The following SGCG variants were observed in gnomAD, a reference collection of about 807,000 sequenced individuals.
The protein encoded by SGCG is gamma-sarcoglycan.
In SGCG, 26 loss-of-function variants were observed where a neutral mutation model predicts 29.3. The observed-to-expected ratio is 0.89, with a 90% CI of 0.65 to 1.23. SGCG has a LOEUF of 1.23. Among genes scored for constraint, SGCG ranks in the 50% most tolerant of loss-of-function variants. The pLI is 0.00. For missense variants in SGCG, 353 were observed against 356.0 expected, an observed-to-expected ratio of 0.99 and a Z score of 0.07; for synonymous variants, 145 against 129.7, an observed-to-expected ratio of 1.12 and a Z score of -0.80.
At chr13:23,228,013 G>A (rs1013248091) in intron 2 of SGCG, among the ~76,000 whole-genome samples, 1 of 151,968 alleles carries the variant, frequency 6.6e-6, no homozygotes, top group Non-Finnish European at 1.5e-5. Flanking sequence ...ATTTTGCCAT[G>A]TTGCCCAGGC....
chr13:23,196,413 G>A (rs1424492265), intron 1 of SGCG, among the ~76,000 whole-genome samples: 2 of 152,008 alleles, frequency 1.3e-5, no homozygotes, highest in Non-Finnish European at 2.9e-5. Flanking sequence ...TTCATCAGAG[G>A]AGCAGCATGT....
At chr13:23,257,303 C>G (rs1270189794) in intron 4 of SGCG, among the ~76,000 whole-genome samples, 2 of 152,088 alleles carry the variant, frequency 1.3e-5, no homozygotes, top group African/African-American at 4.8e-5. Flanking sequence ...GGTACACATG[C>G]AAAACATGCA....
At chr13:23,280,776 T>C (rs545558914) in intron 5 of SGCG, among the ~76,000 whole-genome samples, 31 of 152,328 alleles carry the variant, frequency 2.0e-4, no homozygotes, top group African/African-American at 6.7e-4. Context: ...GTGGATTAAA[T>C]GTGCAAAGGA....
chr13:23,194,043 A>T (rs1304593781), intron 1 of SGCG, among the ~76,000 whole-genome samples: 1 of 152,230 alleles, frequency 6.6e-6, no homozygotes, highest in African/African-American at 2.4e-5. Flanking sequence ...AGTGAAATAA[A>T]TTTTAAAAAG....
At chr13:23,245,316 G>A (rs1444544373) in intron 3 of SGCG, 1 of 152,114 alleles carries the variant, frequency 6.6e-6, no homozygotes, top group Admixed American at 6.6e-5. Context: ...TGGAAGTGAG[G>A]GTCAAAATGA....
chr13:23,218,504 A>G (rs1878518731), intron 2 of SGCG, among the ~76,000 whole-genome samples: 1 of 152,224 alleles, frequency 6.6e-6, no homozygotes, highest in Non-Finnish European at 1.5e-5. Flanking sequence ...CTGTAACACT[A>G]AAATTATTTA....
the SGCG span, among the ~76,000 whole-genome samples, chr13:23,163,276 C>G: frequency 1.3e-5 from 2 of 152,218 alleles, no homozygotes; most frequent in Admixed American, 6.5e-5. Flanking sequence ...CATTTTGTTA[C>G]ATATGAGGGA....
intron 3 of SGCG, among the ~76,000 whole-genome samples, chr13:23,247,503 C>T (rs1023492378): frequency 5.3e-5 from 8 of 152,050 alleles, no homozygotes; most frequent in South Asian, 4.1e-4. Flanking sequence ...AAGAGTTTCC[C>T]AATCTAAATC....
intron 3 of SGCG, among the ~76,000 whole-genome samples, chr13:23,247,479 T>C (rs1033188997): frequency 6.6e-6 from 1 of 151,864 alleles, no homozygotes; most frequent in Non-Finnish European, 1.5e-5. Context: ...AAGAAGAGAG[T>C]TTGATAGAAT....
At chr13:23,213,540 T>G (rs1369124030) in intron 2 of SGCG, among the ~76,000 whole-genome samples, 3 of 152,190 alleles carry the variant, frequency 2.0e-5, no homozygotes, top group Non-Finnish European at 4.4e-5. Flanking sequence ...TATCTGTCCT[T>G]GATCATTTAC....
chr13:23,223,324 A>G (rs572617744), intron 2 of SGCG, among the ~76,000 whole-genome samples: 1 of 150,634 alleles, frequency 6.6e-6, no homozygotes, highest in South Asian at 2.1e-4. Context: ...CCCATATTTT[A>G]TGCCCCTACA....
the SGCG span, among the ~76,000 whole-genome samples, chr13:23,170,896 A>C: frequency 6.6e-6 from 1 of 152,346 alleles, no homozygotes; most frequent in South Asian, 2.1e-4. Context: ...TGTGTGGTCA[A>C]GCCTAATGAC....
At chr13:23,320,584 G>A in intron 6 of SGCG, 53 bp from the exon 7 acceptor site, 2 of 1,467,316 alleles carry the variant, frequency 1.4e-6, no homozygotes, top group East Asian at 2.5e-5. Context: ...TGCTGGAGTG[G>A]CTATTTTTAA....
chr13:23,296,925 A>G (rs1881929839), intron 6 of SGCG, among the ~76,000 whole-genome samples: 1 of 152,206 alleles, frequency 6.6e-6, no homozygotes, highest in Admixed American at 6.5e-5. Context: ...ATAATATTTT[A>G]AATGGTCTTA....
At chr13:23,235,498 A>G (rs1046843039) in intron 3 of SGCG, among the ~76,000 whole-genome samples, 1 of 152,248 alleles carries the variant, frequency 6.6e-6, no homozygotes, top group Non-Finnish European at 1.5e-5. Context: ...TTAAATACTT[A>G]TGTGACTTTA....
chr13:23,261,246 A>AT lies in SGCG; in HGVS notation c.385+10529_385+10530insT, dbSNP rs1566021288. 3.5e-3 allele frequency among the ~76,000 whole-genome samples: 524 copies of AT among 150,012 alleles called. 4 individuals carry two copies. The highest frequency in any genetic ancestry group is 0.012 in the African/African-American group (507 of 41,310). ...TTGTTCATTTCTTTTTATTCTGAAAAATTTTTTTTTTAATTTCAGTTATGA... is the reference window on the plus strand; with the variant it reads ...TTGTTCATTTCTTTTTATTCTGAAAATATTTTTTTTTTAATTTCAGTTATGA... On this transcript the variant is annotated intron_variant, in intron 4 of 7. Transcript: ENST00000218867.
chr13:23,217,343 A>C (rs574725878), intron 2 of SGCG: 3 of 152,034 alleles, frequency 2.0e-5, no homozygotes, highest in Admixed American at 6.6e-5. Context: ...AATTATAATA[A>C]ATTTATCATT....
Position 23,234,269 on chromosome 13 carries a change from C to G in SGCG, c.196-342C>G, listed in dbSNP as rs1411092328. 5.9e-5 allele frequency among the ~76,000 whole-genome samples: 9 copies of G among 152,130 alleles called. No individual in the cohort carries two copies. The East Asian group carries it at 1.7e-3, about 29-fold the overall frequency. On this transcript the variant is annotated intron_variant, in intron 2 of 7. Coordinates refer to ENST00000218867, the MANE Select transcript of SGCG (RefSeq NM_000231.3). Reference sequence around the variant, plus strand: ...AGACAAATCTATATATGTGTTAAAACTCATAGACCTGTACACCTCAAAACA... The same window carrying G: ...AGACAAATCTATATATGTGTTAAAAGTCATAGACCTGTACACCTCAAAACA...
intron 4 of SGCG, among the ~76,000 whole-genome samples, chr13:23,253,026 A>G (rs969238314): frequency 6.6e-6 from 1 of 152,126 alleles, no homozygotes; most frequent in Non-Finnish European, 1.5e-5. Context: ...TATAGTTTCC[A>G]TTTCATTTTT....
Sources: allele counts gnomAD v4.1 joint callset (sites outside exome capture counted in the v4.1 genomes callset), GRCh38; gene constraint gnomAD v4.1.1; transcripts MANE v1.5; gene names NCBI Gene and HGNC (gene_info 2026-07-23, HGNC 2026-07-21).